TMTC4: variants seen among roughly 807,000 people sequenced by gnomAD.
TMTC4 encodes protein O-mannosyl-transferase TMTC4.
TMTC4 carries 65 observed loss-of-function variants against 86.0 expected under a neutral mutation model. That is an observed-to-expected ratio of 0.76 (90% CI 0.62 to 0.93). The LOEUF (loss-of-function observed/expected upper bound fraction) is 0.93, where lower values mean the gene tolerates loss of function less well. TMTC4 is among the 40% of genes least tolerant of loss of function. TMTC4 has a pLI of 0.00. For synonymous variants in TMTC4, 379 were observed against 382.5 expected, an observed-to-expected ratio of 0.99 and a Z score of 0.11; for missense variants, 866 against 948.1, an observed-to-expected ratio of 0.91 and a Z score of 1.14.
chr13:100,647,044 C>T (rs1358787827), intron 6 of TMTC4, among the ~76,000 whole-genome samples: 3 of 152,160 alleles, frequency 2.0e-5, no homozygotes, highest in African/African-American at 7.2e-5. Context: ...GTCCAGCTTA[C>T]AAGTCCATGC....
intron 9 of TMTC4, among the ~76,000 whole-genome samples, chr13:100,637,159 G>C (rs922225087): frequency 6.6e-6 from 1 of 152,008 alleles, no homozygotes; most frequent in African/African-American, 2.4e-5. Context: ...TAGAAAAAAG[G>C]CAAATCTAAA....
At chr13:100,609,680 T>C (rs9585472) in intron 17 of TMTC4, among the ~76,000 whole-genome samples, 43,400 of 150,688 alleles carry the variant, frequency 0.29, 7,457 homozygotes, top group East Asian at 0.41. Context: ...TGTATATATA[T>C]ACACACACAC....
Position 100,623,640 on chromosome 13 carries a change from GTTTTGTTTT to G in TMTC4, c.1836+1886_1836+1894del, listed in dbSNP as rs1879913442. On this transcript the variant is annotated intron_variant, in intron 15 of 18. Coordinates refer to ENST00000342624, the MANE Select transcript of TMTC4 (RefSeq NM_032813.5). ...GTCAGTTTTGGAAACTACTAGTTGGGTTTTGTTTTTTTTTTTTTTTTTTTTTGCAGAAGG... is the reference window on the plus strand; with the variant it reads ...GTCAGTTTTGGAAACTACTAGTTGGGTTTTTTTTTTTTTTTTTGCAGAAGG... 7.3e-5 allele frequency among the ~76,000 whole-genome samples: 7 copies of G among 96,184 alleles called. 1 individual carries two copies. Among genetic ancestry groups the G allele is most frequent in the East Asian group, 9.4e-4 (2 of 2,132 alleles). 63.1% of individuals were successfully genotyped at this position (96,184 alleles called of 152,430 possible).
intron 5 of TMTC4, among the ~76,000 whole-genome samples, chr13:100,660,656 G>GA (rs1281910883): frequency 1.7e-4 from 20 of 119,334 alleles, no homozygotes; most frequent in Non-Finnish European, 3.4e-4. Flanking sequence ...TTTAAAGCTG[G>GA]ATTTTTTTTT....
At chr13:100,659,687 T>C (rs1885529990) in intron 5 of TMTC4, among the ~76,000 whole-genome samples, 1 of 151,430 alleles carries the variant, frequency 6.6e-6, no homozygotes, top group South Asian at 2.1e-4. Context: ...GGTTTGGGTG[T>C]CTACAAACCA....
At chr13:100,610,051 A>G (rs1332856169) in intron 17 of TMTC4, among the ~76,000 whole-genome samples, 1 of 152,230 alleles carries the variant, frequency 6.6e-6, no homozygotes, top group African/African-American at 2.4e-5. Context: ...CCCGACAGCA[A>G]TGGAGATACA....
At chr13:100,610,422 A>G (rs1352656499) in intron 17 of TMTC4, among the ~76,000 whole-genome samples, 1 of 152,186 alleles carries the variant, frequency 6.6e-6, no homozygotes, top group Non-Finnish European at 1.5e-5. Flanking sequence ...CCCTTAACTA[A>G]AAAAATACAT....
chr13:100,641,525 T>C (rs1442864227), intron 7 of TMTC4, among the ~76,000 whole-genome samples: 1 of 152,116 alleles, frequency 6.6e-6, no homozygotes, highest in East Asian at 1.9e-4. Flanking sequence ...TTTGCTGTTG[T>C]TGTCTAGGCT....
Position 100,614,312 on chromosome 13 carries a change from G to A in TMTC4, c.1951+4C>T, listed in dbSNP as rs1220984467. Reference sequence around the variant, plus strand: ...TGTGATTTGTTCCATCCAGCTTTCTGTACCTGTATTGTCGAGGAGTATAAT... The same window carrying A: ...TGTGATTTGTTCCATCCAGCTTTCTATACCTGTATTGTCGAGGAGTATAAT... On this transcript the variant is annotated splice_donor_region_variant and intron_variant, in intron 16 of 18. Coordinates refer to ENST00000342624, the MANE Select transcript of TMTC4 (RefSeq NM_032813.5). 3.1e-6 allele frequency: 5 copies of A among 1,608,638 alleles called. No homozygotes were observed. In the African/African-American group the frequency reaches 6.7e-5, roughly 22 times the overall value.
At chr13:100,611,657 A>G (rs1008677102) in intron 17 of TMTC4, among the ~76,000 whole-genome samples, 2 of 152,218 alleles carry the variant, frequency 1.3e-5, no homozygotes, top group Non-Finnish European at 2.9e-5. Flanking sequence ...CACGAAGCCA[A>G]TCCCTTCTGG....
At chr13:100,615,160 T>G (rs1204942609) in intron 15 of TMTC4, among the ~76,000 whole-genome samples, 6 of 152,122 alleles carry the variant, frequency 3.9e-5, no homozygotes, top group Non-Finnish European at 8.8e-5. Flanking sequence ...ATTTTTGAGA[T>G]AGAGTCTCAC....
At chr13:100,632,053 A>ACACACACACACACACACTCTCT (rs1296569630) in intron 12 of TMTC4, among the ~76,000 whole-genome samples, 52 of 43,092 alleles carry the variant, frequency 1.2e-3, no homozygotes, top group African/African-American at 2.5e-3. Context: ...ACACACACAC[A>ACACACACACACACACACTCTCT]CTCTCTCTCT....
At chr13:100,619,344 C>G (rs1311323950) in intron 15 of TMTC4, among the ~76,000 whole-genome samples, 1 of 147,964 alleles carries the variant, frequency 6.8e-6, no homozygotes, top group African/African-American at 2.6e-5. Flanking sequence ...CACACACACA[C>G]ACACACACAC....
intron 3 of TMTC4, among the ~76,000 whole-genome samples, 200 bp from the exon 4 acceptor site, chr13:100,664,536 G>A (rs757044613): frequency 3.7e-4 from 57 of 152,142 alleles, no homozygotes; most frequent in Non-Finnish European, 2.2e-4. Context: ...ACCCTCCTGG[G>A]ACATAGCTGA....
intron 12 of TMTC4, among the ~76,000 whole-genome samples, chr13:100,626,755 G>A (rs1222227425): frequency 2.6e-5 from 4 of 152,180 alleles, no homozygotes; most frequent in African/African-American, 7.2e-5. Context: ...AAGCAAATAT[G>A]GCCCTTTCTT....
At chr13:100,621,864 T>G (rs1879547350) in intron 15 of TMTC4, among the ~76,000 whole-genome samples, 1 of 152,222 alleles carries the variant, frequency 6.6e-6, no homozygotes, top group South Asian at 2.1e-4. Context: ...TAAGACCTCA[T>G]GTGCTCCCAT....
intron 6 of TMTC4, among the ~76,000 whole-genome samples, 181 bp downstream of exon 6, chr13:100,656,200 G>A (rs908698598): frequency 1.3e-5 from 2 of 152,180 alleles, no homozygotes; most frequent in Admixed American, 6.5e-5. Flanking sequence ...TTTGCATTAC[G>A]GAAAAAGCAA....
At chr13:100,671,378 C>CT (rs1385695305) in intron 1 of TMTC4, among the ~76,000 whole-genome samples, 3 of 152,138 alleles carry the variant, frequency 2.0e-5, no homozygotes, top group Non-Finnish European at 4.4e-5. Context: ...AAGTAGAATA[C>CT]TAAATCAGGA....
At chr13:100,625,754 T>A in intron 14 of TMTC4, 31 bp downstream of exon 14, 1 of 1,609,782 alleles carries the variant, frequency 6.2e-7, no homozygotes, top group Middle Eastern at 1.7e-4. Flanking sequence ...CCTTTCTTTG[T>A]CACTAGCATA....
Sources: allele counts gnomAD v4.1 joint callset (sites outside exome capture counted in the v4.1 genomes callset), GRCh38; gene constraint gnomAD v4.1.1; transcripts MANE v1.5; gene names NCBI Gene and HGNC (gene_info 2026-07-23, HGNC 2026-07-21).